TXNRD2: variants seen among roughly 807,000 people sequenced by gnomAD.
TXNRD2 encodes the protein thioredoxin reductase 2, mitochondrial.
A neutral mutation model predicts 70.8 loss-of-function variants in TXNRD2; 67 were observed. That is an observed-to-expected ratio of 0.95 (90% CI 0.78 to 1.16). The LOEUF (loss-of-function observed/expected upper bound fraction) is 1.16, where lower values mean the gene tolerates loss of function less well. Ranked by LOEUF, TXNRD2 falls within the 50% of genes most tolerant of loss-of-function variation. The pLI is 0.00. For synonymous variants in TXNRD2, 301 were observed against 295.8 expected (o/e 1.02, Z -0.18); for missense variants, 644 against 719.9 (o/e 0.89, Z 1.21).
intron 11 of TXNRD2, chr22:19,895,014 T>C (rs1939434275): frequency 1.3e-6 from 2 of 1,527,164 alleles, no homozygotes; most frequent in Admixed American, 4.1e-5. Context: ...GACTTAAACC[T>C]GGAAGGTGAC....
At chr22:19,933,663 C>A (rs1941445547) in intron 1 of TXNRD2, 1 of 425,522 alleles carries the variant, frequency 2.4e-6, no homozygotes, top group Non-Finnish European at 4.0e-6. Flanking sequence ...CATAGGAAAT[C>A]TGCCTTTAAG....
chr22:19,931,201 G>T, intron 1 of TXNRD2, 103 bp from the exon 2 acceptor site: 3 of 1,021,158 alleles, frequency 2.9e-6, no homozygotes, highest in Admixed American at 3.5e-5. Context: ...ATGGTCAGGG[G>T]TGACAAGACA....
chr22:19,919,375 G>A (rs966234824), intron 3 of TXNRD2, among the ~76,000 whole-genome samples, 168 bp downstream of exon 3: 7 of 150,092 alleles, frequency 4.7e-5, no homozygotes, highest in South Asian at 2.1e-4. Context: ...AGTTGTTTTC[G>A]ATAATGGTCA....
At position 19,911,452 on chromosome 22, in the gene TXNRD2, C is replaced by G. The variant is rs1555911995; in HGVS notation, c.592-5G>C. Reference sequence around the variant, plus strand: ...ATATTCCAAGGCACCTTCGATCTGTCAAGACAGAAATGACCCCTTGGACAA... The same window carrying G: ...ATATTCCAAGGCACCTTCGATCTGTGAAGACAGAAATGACCCCTTGGACAA... On this transcript the variant is annotated splice_region_variant and splice_polypyrimidine_tract_variant and intron_variant, in intron 7 of 17. Transcript: ENST00000400521. 1 of 1,612,904 alleles carries G rather than the reference C, an allele frequency of 6.2e-7. No homozygotes were observed. The highest frequency in any genetic ancestry group is 8.5e-7 in the Non-Finnish European group (1 of 1,179,012).
chr22:19,916,932 C>A, intron 5 of TXNRD2, among the ~76,000 whole-genome samples: 1 of 152,176 alleles, frequency 6.6e-6, no homozygotes, highest in East Asian at 1.9e-4. Context: ...GACAAAAGGA[C>A]CGTGCTGCAG....
chr22:19,893,985 T>G (rs1368938909), intron 11 of TXNRD2: 1 of 152,144 alleles, frequency 6.6e-6, no homozygotes, highest in Non-Finnish European at 1.5e-5. Flanking sequence ...AGCAGCATGA[T>G]CCACAACAGC....
chr22:19,924,243 C>A (rs552532743), intron 2 of TXNRD2, among the ~76,000 whole-genome samples: 2 of 152,250 alleles, frequency 1.3e-5, no homozygotes, highest in South Asian at 4.1e-4. Flanking sequence ...TTTCTTCCAC[C>A]AAGAAGGCCA....
chr22:19,890,595 C>A (rs964386994), intron 11 of TXNRD2, among the ~76,000 whole-genome samples: 6 of 152,148 alleles, frequency 3.9e-5, no homozygotes, highest in Non-Finnish European at 7.4e-5. Flanking sequence ...GCATCCACAC[C>A]CACCGCGGCC....
intron 10 of TXNRD2, 102 bp from the exon 11 acceptor site, chr22:19,895,683 G>A: frequency 7.2e-7 from 1 of 1,387,276 alleles, no homozygotes; most frequent in Non-Finnish European, 1.0e-6. Flanking sequence ...GCGGAGAGGG[G>A]TCTGTGCGGA....
chr22:19,933,558 G>C, intron 1 of TXNRD2: 1 of 1,264,812 alleles, frequency 7.9e-7, no homozygotes, highest in Non-Finnish European at 1.0e-6. Flanking sequence ...CTGTCTGTAT[G>C]GATGTGCTTA....
chr22:19,887,119 A>G (rs1208469229), intron 11 of TXNRD2, among the ~76,000 whole-genome samples: 1 of 152,222 alleles, frequency 6.6e-6, no homozygotes. Flanking sequence ...CCTCTTTTGT[A>G]AATTACCAGT....
Position 19,878,428 on chromosome 22 carries a change from C to A in TXNRD2, c.1285G>T (p.Ala429Ser). ...GTGAACTCCAGTGGTTTATAATGGGCGTGATAGACCTGAGGACAGGATACC... is the reference window on the plus strand; with the variant it reads ...GTGAACTCCAGTGGTTTATAATGGGAGTGATAGACCTGAGGACAGGATACC... The part of the protein sequence containing the change: ...HGQEHVEVYH[A>S]HYKPLEFTVA... The change falls in exon 15 of 18, where the codon GCC (alanine) becomes TCC (serine). Residue 429 changes from alanine to serine, a missense_variant. By Grantham distance (99) the Ala-to-Ser change is moderately conservative. Around this residue, in one of 3 missense-constraint regions of TXNRD2, gnomAD observed 566 missense variants for 645.0 expected, o/e 0.88. Coordinates refer to ENST00000400521, the MANE Select transcript of TXNRD2 (RefSeq NM_006440.5). The A allele has an allele frequency of 6.2e-7, 1 of 1,613,604 alleles. No individual in the cohort carries two copies. The highest frequency in any genetic ancestry group is 8.5e-7 in the Non-Finnish European group (1 of 1,180,010).
chr22:19,878,121 C>T lies in TXNRD2; in HGVS notation c.1414G>A (p.Glu472Lys), dbSNP rs766076027. 22 of 1,613,404 alleles carry T rather than the reference C, an allele frequency of 1.4e-5. No homozygotes were observed. Among genetic ancestry groups the T allele is most frequent in the Admixed American group, 3.3e-5 (2 of 60,008 alleles). ...CCCAGAGCAAATCCTTGAGTAACTT[C>T]GCCTGCGTTGGGGCCAAGGAAATGC... ...GLHFLGPNAG[E>K]VTQGFALGIK... Residue 472 changes from glutamate to lysine, a missense_variant, in exon 16 of 18, where the codon GAA (glutamate) becomes AAA (lysine). By Grantham distance (56) the Glu-to-Lys change is moderately conservative. This residue lies in a region of TXNRD2 where 566 missense variants were observed against 645.0 expected (regional missense o/e 0.88). Coordinates refer to ENST00000400521, the MANE Select transcript of TXNRD2 (RefSeq NM_006440.5).
chr22:19,890,769 T>C (rs777598021), intron 11 of TXNRD2, among the ~76,000 whole-genome samples: 13 of 152,176 alleles, frequency 8.5e-5, no homozygotes, highest in Non-Finnish European at 1.8e-4. Context: ...CGCAGGGACT[T>C]GTGTAGCTGA....
At chr22:19,882,345 C>T (rs575561018) in intron 12 of TXNRD2, among the ~76,000 whole-genome samples, 5 of 152,296 alleles carry the variant, frequency 3.3e-5, no homozygotes, top group Admixed American at 1.3e-4. Flanking sequence ...ATTACAGATA[C>T]GTGCCACCAC....
At chr22:19,930,396 A>G (rs1405835175) in intron 2 of TXNRD2, among the ~76,000 whole-genome samples, 1 of 152,152 alleles carries the variant, frequency 6.6e-6, no homozygotes, top group Non-Finnish European at 1.5e-5. Context: ...ACAGCAGGGC[A>G]CAGAGTCTGG....
intron 1 of TXNRD2, among the ~76,000 whole-genome samples, chr22:19,939,104 G>A (rs980357616): frequency 6.6e-6 from 1 of 152,168 alleles, no homozygotes; most frequent in Non-Finnish European, 1.5e-5. Flanking sequence ...CGTCAATCCC[G>A]TCTGGGTGCC....
intron 2 of TXNRD2, among the ~76,000 whole-genome samples, chr22:19,928,421 C>T (rs1296515514): frequency 3.3e-5 from 5 of 152,090 alleles, no homozygotes; most frequent in Admixed American, 1.3e-4. Context: ...CTCGCGCCAA[C>T]GAAGATGAGT....
At position 19,878,123 on chromosome 22, in the gene TXNRD2, C is replaced by T. The variant is rs754916024; in HGVS notation, c.1412G>A (p.Gly471Asp). 6.8e-6 allele frequency: 11 copies of T among 1,613,428 alleles called. No individual in the cohort carries two copies. The highest frequency in any genetic ancestry group is 9.3e-6 in the Non-Finnish European group (11 of 1,180,034). Reference sequence around the variant, plus strand: ...CAGAGCAAATCCTTGAGTAACTTCGCCTGCGTTGGGGCCAAGGAAATGCAG... The same window carrying T: ...CAGAGCAAATCCTTGAGTAACTTCGTCTGCGTTGGGGCCAAGGAAATGCAG... ...LGLHFLGPNA[G>D]EVTQGFALGI... The change falls in exon 16 of 18, where the codon GGC (glycine) becomes GAC (aspartate). Residue 471 changes from glycine to aspartate, a missense_variant. This residue lies in a region of TXNRD2 where 566 missense variants were observed against 645.0 expected (regional missense o/e 0.88). Coordinates refer to ENST00000400521, the MANE Select transcript of TXNRD2 (RefSeq NM_006440.5).
Sources: allele counts gnomAD v4.1 joint callset (sites outside exome capture counted in the v4.1 genomes callset), GRCh38; gene constraint gnomAD v4.1.1; regional missense constraint gnomAD v4.1.1; transcripts MANE v1.5; gene names NCBI Gene and HGNC (gene_info 2026-07-23, HGNC 2026-07-21).